Variants in CDKN3 observed in about 807,000 individuals in gnomAD.
The protein encoded by CDKN3 is cyclin dependent kinase inhibitor 3.
A neutral mutation model predicts 36.1 loss-of-function variants in CDKN3; 19 were observed. That is an observed-to-expected ratio of 0.53 (90% CI 0.37 to 0.77). The LOEUF (loss-of-function observed/expected upper bound fraction) is 0.77. Among genes scored for constraint, CDKN3 ranks in the 30% least tolerant of loss-of-function variants. CDKN3 has a pLI of 0.00. For synonymous variants in CDKN3, 71 were observed against 85.3 expected (o/e 0.83, Z 0.92); for missense variants, 188 against 248.6 (o/e 0.76, Z 1.64).
chr14:54,414,933 A>AG (rs2030488787), intron 5 of CDKN3, among the ~76,000 whole-genome samples: 2 of 152,098 alleles, frequency 1.3e-5, no homozygotes, highest in African/African-American at 4.8e-5. Context: ...GAGTAAGACT[A>AG]GGGGTCAATA....
chr14:54,398,266 G>A (rs1361235512), intron 1 of CDKN3, among the ~76,000 whole-genome samples: 1 of 152,212 alleles, frequency 6.6e-6, no homozygotes, highest in Non-Finnish European at 1.5e-5. Context: ...TAATCCCTAT[G>A]TTGCCATGTG....
At chr14:54,413,484 G>A in intron 5 of CDKN3, 2 of 703,034 alleles carry the variant, frequency 2.8e-6, no homozygotes, top group Non-Finnish European at 4.9e-6. Flanking sequence ...CAACCCAAAT[G>A]CTCTGATGTT....
chr14:54,401,940 T>A (rs968443809), intron 3 of CDKN3, among the ~76,000 whole-genome samples: 48 of 152,300 alleles, frequency 3.2e-4, no homozygotes, highest in African/African-American at 1.1e-3. Flanking sequence ...CCGGGTGCAG[T>A]CACTCACACC....
intron 5 of CDKN3, 44 bp from the exon 6 acceptor site, chr14:54,415,855 A>T (rs1426093695): frequency 2.1e-6 from 3 of 1,461,402 alleles, no homozygotes; most frequent in Non-Finnish European, 2.9e-6. Context: ...GTAACTAGGG[A>T]TGGAATGAAA....
rs762816227 is a variant in CDKN3 at position 54,411,697 on chromosome 14, C to T, written c.407C>T (p.Thr136Ile). The T allele has an allele frequency of 3.1e-5, 50 of 1,596,336 alleles. No individual in the cohort carries two copies. Among genetic ancestry groups the T allele is most frequent in the African/African-American group, 4.0e-5 (3 of 74,520 alleles). Residue 136 changes from threonine to isoleucine, a missense_variant, in exon 5 of 8, where the codon ACC becomes ATC. Transcript: ENST00000335183. ...ACCTGCCTTAAAAATTACCGAAAAA[C>T]CTTAATACAGTACGTTCTTTTCTCC... Reference protein sequence around the residue: ...LTTCLKNYRKTLIHCYGGLGR... With the variant: ...LTTCLKNYRKILIHCYGGLGR...
chr14:54,415,699 G>A (rs958619412), intron 5 of CDKN3, among the ~76,000 whole-genome samples, 200 bp from the exon 6 acceptor site: 1 of 152,210 alleles, frequency 6.6e-6, no homozygotes, highest in Non-Finnish European at 1.5e-5. Flanking sequence ...GATGCTTAGA[G>A]GTGTTCAGAA....
chr14:54,420,138 G>T lies in CDKN3; in HGVS notation c.*60G>T. The T allele has an allele frequency of 6.2e-6, 6 of 962,444 alleles. No homozygotes were observed. Among genetic ancestry groups the T allele is most frequent in the East Asian group, 5.1e-5 (2 of 39,450 alleles). 59.6% of individuals were successfully genotyped at this position (962,444 alleles called of 1,614,324 possible). ...AAATGTCAGTTCTCTAGCATAATTT[G>T]TATTGAAATGAAACCACCAGTGTTA... On this transcript the variant is annotated 3_prime_UTR_variant, in exon 8 of 8. Transcript: ENST00000335183.
chr14:54,415,734 C>T (rs1457804975), intron 5 of CDKN3, among the ~76,000 whole-genome samples, 165 bp from the exon 6 acceptor site: 1 of 152,322 alleles, frequency 6.6e-6, no homozygotes, highest in East Asian at 1.9e-4. Context: ...GAAATAAGCA[C>T]ACCTTGCTCT....
chr14:54,414,341 C>T (rs1367310809), intron 5 of CDKN3: 2 of 152,014 alleles, frequency 1.3e-5, no homozygotes, highest in Non-Finnish European at 2.9e-5. Flanking sequence ...CTAACACTAC[C>T]ATTTAACTGC....
intron 2 of CDKN3, among the ~76,000 whole-genome samples, 191 bp downstream of exon 2, chr14:54,400,167 T>C (rs2029890195): frequency 1.3e-5 from 2 of 149,102 alleles, no homozygotes; most frequent in South Asian, 4.3e-4. Flanking sequence ...CTATCTATAA[T>C]ACAGAATAAG....
At chr14:54,409,006 G>A (rs1262748427) in intron 4 of CDKN3, among the ~76,000 whole-genome samples, 2 of 151,896 alleles carry the variant, frequency 1.3e-5, no homozygotes, top group East Asian at 3.8e-4. Context: ...ACTGATTGTT[G>A]TAGTTATATT....
At position 54,417,918 on chromosome 14, in the gene CDKN3, C is replaced by G. The variant is rs993639061; in HGVS notation, c.519C>G (p.Asp173Glu). The G allele has an allele frequency of 6.3e-7, 1 of 1,594,936 alleles. No individual in the cohort carries two copies. Among genetic ancestry groups the G allele is most frequent in the African/African-American group, 1.3e-5 (1 of 74,704 alleles). The change falls in exon 7 of 8, where the codon GAC (aspartate) becomes GAG (glutamate). Residue 173 changes from aspartate to glutamate, a missense_variant. Coordinates refer to ENST00000335183, the MANE Select transcript of CDKN3 (RefSeq NM_005192.4). ...AGCAAGCCATAGACAGCCTGCGAGA[C>G]CTAAGAGGATCCGGGGCAATACAGA... ...SPEQAIDSLRDLRGSGAIQTI... is the reference protein window; with the variant it reads ...SPEQAIDSLRELRGSGAIQTI...
At chr14:54,404,379 G>A (rs555046311) in intron 3 of CDKN3, among the ~76,000 whole-genome samples, 325 of 152,212 alleles carry the variant, frequency 2.1e-3, no homozygotes, top group Non-Finnish European at 3.0e-3. Context: ...TTGTATTTCT[G>A]TGGGATCAGT....
rs1329887362 is a variant in CDKN3, at chr14:54,411,195, AAAG to A, written c.194-287_194-285del. 31 of 304,760 alleles carry A rather than the reference AAAG, an allele frequency of 1.0e-4. No individual in the cohort carries two copies. The Middle Eastern group carries it at 1.6e-3, about 16-fold the overall frequency. 18.9% of individuals were successfully genotyped at this position (304,760 alleles called of 1,614,324 possible). A position where few individuals can be genotyped will look rare whatever the true frequency, so the allele number is the denominator to read the frequency against. ...CCATCTCAAAAAAAAAAAAAAAAAAAAAGAGGGGGGGTTATTTTAAAGCAGTAT... is the reference window on the plus strand; with the variant it reads ...CCATCTCAAAAAAAAAAAAAAAAAAAAGGGGGGGTTATTTTAAAGCAGTAT... On this transcript the variant is annotated intron_variant, in intron 4 of 7. Coordinates refer to ENST00000335183, the MANE Select transcript of CDKN3 (RefSeq NM_005192.4).
intron 4 of CDKN3, 50 bp from the exon 5 acceptor site, chr14:54,411,434 G>C (rs2030348240): frequency 7.4e-7 from 1 of 1,358,036 alleles, no homozygotes; most frequent in African/African-American, 1.4e-5. Flanking sequence ...GTATTTAAAT[G>C]TGTGATGTTT....
intron 6 of CDKN3, 36 bp downstream of exon 6, chr14:54,415,966 A>G (rs890436021): frequency 2.8e-6 from 4 of 1,422,224 alleles, no homozygotes; most frequent in Non-Finnish European, 4.0e-6. Flanking sequence ...TTTAACCGCC[A>G]AATAGACAAA....
intron 1 of CDKN3, among the ~76,000 whole-genome samples, chr14:54,398,249 C>G (rs899696015): frequency 7.9e-5 from 12 of 152,244 alleles, no homozygotes; most frequent in African/African-American, 2.9e-4. Flanking sequence ...TAGGTGCTTA[C>G]AATTGCTAAT....
At chr14:54,407,786 G>A (rs4251618) in intron 3 of CDKN3, among the ~76,000 whole-genome samples, 5 of 152,252 alleles carry the variant, frequency 3.3e-5, no homozygotes, top group African/African-American at 7.2e-5. Context: ...GTTGGGCTCC[G>A]TTGGGGGTGG....
rs1886421883 is a variant in CDKN3 at position 54,399,779 on chromosome 14, TTGATGGC to T, written c.10-111_10-105del. On this transcript the variant is annotated intron_variant, in intron 1 of 7. Transcript: ENST00000335183. ...TTGCTGATCTCGTTAATATTCTGGATTGATGGCTGAATACATTGCAAATATGAATTCA... is the reference window on the plus strand; with the variant it reads ...TTGCTGATCTCGTTAATATTCTGGATTGAATACATTGCAAATATGAATTCA... 14 of 688,662 alleles carry T rather than the reference TTGATGGC, an allele frequency of 2.0e-5. No homozygotes were observed. In the South Asian group the frequency reaches 2.1e-4, roughly 10 times the overall value. The allele number at this position is 688,662 out of a possible 1,614,324, so 42.7% of individuals were successfully genotyped here. A position where few individuals can be genotyped will look rare whatever the true frequency, so the allele number is the denominator to read the frequency against.
Sources: allele counts gnomAD v4.1 joint callset (sites outside exome capture counted in the v4.1 genomes callset), GRCh38; gene constraint gnomAD v4.1.1; transcripts MANE v1.5; gene names NCBI Gene and HGNC (gene_info 2026-07-23, HGNC 2026-07-21).